Variants in MKLN1 observed in about 807,000 individuals in gnomAD.
The protein encoded by MKLN1 is muskelin.
A neutral mutation model predicts 99.0 loss-of-function variants in MKLN1; 18 were observed. The observed-to-expected ratio is 0.18, with a 90% CI of 0.13 to 0.27. MKLN1 has a LOEUF of 0.27. Among genes scored for constraint, MKLN1 ranks in the 10% least tolerant of loss-of-function variants. The pLI is 1.00. For synonymous variants in MKLN1, 288 were observed against 293.2 expected (o/e 0.98, Z 0.18); for missense variants, 621 against 875.9 (o/e 0.71, Z 3.67).
chr7:131,279,382 TGA>T (rs1365854172), intron 3 of MKLN1, among the ~76,000 whole-genome samples: 16 of 152,196 alleles, frequency 1.1e-4, no homozygotes, highest in African/African-American at 3.9e-4. Flanking sequence ...GCAAAGATCC[TGA>T]GAGAGAATGA....
chr7:131,297,718 C>T (rs1303337057), intron 3 of MKLN1, among the ~76,000 whole-genome samples: 1 of 152,084 alleles, frequency 6.6e-6, no homozygotes, highest in Non-Finnish European at 1.5e-5. Context: ...TGAAATAGGA[C>T]AAGGTTGTGT....
At chr7:131,275,650 CA>C (rs1470082692) in intron 3 of MKLN1, among the ~76,000 whole-genome samples, 6 of 137,306 alleles carry the variant, frequency 4.4e-5, no homozygotes, top group African/African-American at 1.6e-4. Flanking sequence ...AGGCTGGTCT[CA>C]AACTCCTGGC....
At chr7:131,404,042 C>T (rs1307174933) in intron 6 of MKLN1, among the ~76,000 whole-genome samples, 1 of 152,030 alleles carries the variant, frequency 6.6e-6, no homozygotes, top group Non-Finnish European at 1.5e-5. Context: ...TTTTGTATTC[C>T]TTTTTACAAA....
At chr7:131,379,817 C>T (rs1008432668) in intron 2 of MKLN1, among the ~76,000 whole-genome samples, 1 of 152,132 alleles carries the variant, frequency 6.6e-6, no homozygotes, top group South Asian at 2.1e-4. Context: ...TCTCATGTAC[C>T]CTGTAAATAT....
chr7:131,202,348 C>A (rs927996460), intron 2 of MKLN1, among the ~76,000 whole-genome samples: 4 of 151,918 alleles, frequency 2.6e-5, no homozygotes, highest in African/African-American at 9.6e-5. Context: ...ATCTCCTGAC[C>A]TTCTGATCTG....
At chr7:131,227,503 T>TTCTTTCTTTCTTTC (rs1274924845) in intron 3 of MKLN1, among the ~76,000 whole-genome samples, 9 of 137,552 alleles carry the variant, frequency 6.5e-5, no homozygotes, top group Non-Finnish European at 1.1e-4. Context: ...TTCTCTTTCT[T>TTCTTTCTTTCTTTC]TCTTTCTTTC....
intron 2 of MKLN1, among the ~76,000 whole-genome samples, chr7:131,380,137 A>G (rs775782173): frequency 1.0e-3 from 153 of 152,290 alleles, no homozygotes; most frequent in Admixed American, 3.0e-3. Flanking sequence ...CAGGGAGTGA[A>G]GTCCAGTTTC....
chr7:131,464,791 T>C lies in MKLN1; in HGVS notation c.1788+383T>C, dbSNP rs112814760. Among the ~76,000 whole-genome samples the C allele has an allele frequency of 3.1e-3, 473 of 152,340 alleles. 1 individual carries two copies. Among genetic ancestry groups the C allele is most frequent in the African/African-American group, 0.011 (451 of 41,576 alleles). ...TTTTTGGTTTTAGATTTTCCTATTG[T>C]GTGCGAAGTCTTTTTAATCTTAATT... On this transcript the variant is annotated intron_variant, in intron 14 of 17. Transcript: ENST00000352689.
At chr7:131,398,294 A>G (rs1794420994) in intron 5 of MKLN1, among the ~76,000 whole-genome samples, 2 of 152,156 alleles carry the variant, frequency 1.3e-5, no homozygotes, top group South Asian at 4.1e-4. Flanking sequence ...CATCTATCCT[A>G]TTAGGGGAAA....
Position 131,397,414 on chromosome 7 carries a change from A to G in MKLN1, c.510+38A>G, listed in dbSNP as rs369842742. On this transcript the variant is annotated intron_variant, in intron 5 of 17. Transcript: ENST00000352689. ...TTTAAATCCTGACTTTAATGCCTATAAAAGGAGAAATATGTCAATCTCTTA... is the reference window on the plus strand; with the variant it reads ...TTTAAATCCTGACTTTAATGCCTATGAAAGGAGAAATATGTCAATCTCTTA... 48 of 1,035,118 alleles carry G rather than the reference A, an allele frequency of 4.6e-5. 1 individual carries two copies. Among genetic ancestry groups the G allele is most frequent in the Non-Finnish European group, 6.5e-5 (45 of 692,048 alleles). The allele number at this position is 1,035,118 out of a possible 1,614,324, so 64.1% of individuals were successfully genotyped here.
chr7:131,434,856 C>T (rs543797864), intron 9 of MKLN1, among the ~76,000 whole-genome samples: 1 of 152,126 alleles, frequency 6.6e-6, no homozygotes, highest in Non-Finnish European at 1.5e-5. Flanking sequence ...CCAGGCCCAG[C>T]CTTTATTTTA....
chr7:131,397,215 A>G (rs1794386298), intron 4 of MKLN1, 52 bp from the exon 5 acceptor site: 1 of 1,221,750 alleles, frequency 8.2e-7, no homozygotes, highest in African/African-American at 1.5e-5. Context: ...CTAAAGTTTT[A>G]TTTGAACTGT....
At chr7:131,222,744 C>G (rs1328303220) in intron 3 of MKLN1, among the ~76,000 whole-genome samples, 1 of 151,552 alleles carries the variant, frequency 6.6e-6, no homozygotes, top group Non-Finnish European at 1.5e-5. Context: ...AGGCCGGGTA[C>G]AGTGGCTCAC....
intron 2 of MKLN1, among the ~76,000 whole-genome samples, chr7:131,183,896 T>C (rs1796410415): frequency 6.6e-6 from 1 of 152,076 alleles, no homozygotes; most frequent in Non-Finnish European, 1.5e-5. Context: ...AGGAAGCTTG[T>C]GGGAACCAGT....
intron 2 of MKLN1, among the ~76,000 whole-genome samples, chr7:131,148,883 C>T (rs1391821981): frequency 6.6e-6 from 1 of 152,142 alleles, no homozygotes. Flanking sequence ...GTTTTTAAAA[C>T]GAATGAAGGA....
At chr7:131,208,528 G>T (rs1796852902) in intron 3 of MKLN1, among the ~76,000 whole-genome samples, 1 of 152,174 alleles carries the variant, frequency 6.6e-6, no homozygotes, top group African/African-American at 2.4e-5. Context: ...CTGGGAGGTT[G>T]GTCGAGGCTG....
At chr7:131,395,040 T>A (rs1794317088) in intron 4 of MKLN1, among the ~76,000 whole-genome samples, 1 of 152,126 alleles carries the variant, frequency 6.6e-6, no homozygotes, top group African/African-American at 2.4e-5. Flanking sequence ...TAATCTCATT[T>A]AAAAAAATCT....
intron 6 of MKLN1, among the ~76,000 whole-genome samples, chr7:131,407,305 A>G (rs1794735699): frequency 6.6e-6 from 1 of 151,850 alleles, no homozygotes; most frequent in Admixed American, 6.6e-5. Flanking sequence ...CTCATGTTTC[A>G]TAGAGAGAGT....
chr7:131,404,991 G>T, intron 6 of MKLN1, among the ~76,000 whole-genome samples: 1 of 152,124 alleles, frequency 6.6e-6, no homozygotes, highest in East Asian at 1.9e-4. Context: ...AAATTTGGTG[G>T]GTGGGAGTGT....
Sources: allele counts gnomAD v4.1 joint callset (sites outside exome capture counted in the v4.1 genomes callset), GRCh38; gene constraint gnomAD v4.1.1; transcripts MANE v1.5; gene names NCBI Gene and HGNC (gene_info 2026-07-23, HGNC 2026-07-21).